The following GPR83 variants were observed in gnomAD, a reference collection of about 807,000 sequenced individuals.
GPR83 encodes G-protein coupled receptor 72.
GPR83 carries 23 observed loss-of-function variants against 28.0 expected under a neutral mutation model. That is an observed-to-expected ratio of 0.82 (90% confidence interval 0.59 to 1.16). The LOEUF is 1.16. Ranked by LOEUF, GPR83 falls within the 50% of genes most tolerant of loss-of-function variation. The pLI is 0.00. For synonymous variants in GPR83, 234 were observed against 215.4 expected, an observed-to-expected ratio of 1.09 and a Z score of -0.76; for missense variants, 610 against 536.6, an observed-to-expected ratio of 1.14 and a Z score of -1.35.
In GPR83 at chr11:94,378,004, T is replaced by G. The variant is rs12417810; in HGVS notation, c.*2145A>C. 16,145 of 152,230 alleles carry G rather than the reference T, an allele frequency of 0.11. 949 individuals are homozygous for G. The highest frequency in any genetic ancestry group is 0.16 in the Middle Eastern group (47 of 294). 9.4% of individuals were successfully genotyped at this position (152,230 alleles called of 1,614,324 possible). ...CTCATTCTGGTTCACAGAATTTCTA[T>G]GGCAGCTTTCAGATGAAACCATTAG... On this transcript the variant is annotated 3_prime_UTR_variant, in exon 4 of 4. Coordinates refer to ENST00000243673, the MANE Select transcript of GPR83 (RefSeq NM_016540.4).
At chr11:94,384,459 G>A (rs370838578) in intron 3 of GPR83, among the ~76,000 whole-genome samples, 5 of 152,198 alleles carry the variant, frequency 3.3e-5, no homozygotes, top group East Asian at 1.9e-4. Flanking sequence ...AGAGGTACCG[G>A]GTTCATCTCA....
chr11:94,400,806 G>A, intron 1 of GPR83, 55 bp downstream of exon 1: 3 of 1,559,784 alleles, frequency 1.9e-6, no homozygotes, highest in African/African-American at 2.7e-5. Context: ...AGAGAACTGA[G>A]AGAGGAAAGG....
At chr11:94,397,110 A>C (rs1034041967) in intron 1 of GPR83, among the ~76,000 whole-genome samples, 1 of 152,140 alleles carries the variant, frequency 6.6e-6, no homozygotes, top group African/African-American at 2.4e-5. Context: ...GTGCTGGCAA[A>C]TCTTGGCTAA....
chr11:94,387,541 T>C (rs1052206974), intron 3 of GPR83, among the ~76,000 whole-genome samples: 16 of 152,164 alleles, frequency 1.1e-4, no homozygotes, highest in African/African-American at 1.7e-4. Flanking sequence ...CAGAGAATAC[T>C]ATAAACACCT....
intron 3 of GPR83, among the ~76,000 whole-genome samples, chr11:94,388,763 G>C (rs964922073): frequency 5.3e-5 from 8 of 152,194 alleles, no homozygotes; most frequent in Non-Finnish European, 8.8e-5. Flanking sequence ...GTAATTTATA[G>C]ATTCAATGCC....
At chr11:94,393,168 G>T (rs1264949860) in intron 3 of GPR83, among the ~76,000 whole-genome samples, 1 of 152,178 alleles carries the variant, frequency 6.6e-6, no homozygotes, top group African/African-American at 2.4e-5. Context: ...TTTCAACAAG[G>T]CCTTGGTGAC....
At chr11:94,384,405 C>T (rs1944726304) in intron 3 of GPR83, among the ~76,000 whole-genome samples, 2 of 152,140 alleles carry the variant, frequency 1.3e-5, no homozygotes, top group Non-Finnish European at 2.9e-5. Context: ...CTACAGCTCC[C>T]AGTGTGAGCG....
intron 3 of GPR83, among the ~76,000 whole-genome samples, chr11:94,386,262 C>G (rs908805947): frequency 6.6e-6 from 1 of 152,110 alleles, no homozygotes; most frequent in Non-Finnish European, 1.5e-5. Context: ...TTGTAAAGAC[C>G]ATTGAGGCTA....
intron 3 of GPR83, among the ~76,000 whole-genome samples, chr11:94,391,231 C>A (rs1944813744): frequency 6.6e-6 from 1 of 151,796 alleles, no homozygotes; most frequent in African/African-American, 2.4e-5. Context: ...GGGAAAGAGT[C>A]CCTATTCAAT....
chr11:94,393,880 T>C (rs558415138), intron 2 of GPR83, among the ~76,000 whole-genome samples: 30 of 152,116 alleles, frequency 2.0e-4, no homozygotes, highest in Non-Finnish European at 3.1e-4. Flanking sequence ...GCAGGCCCTA[T>C]TGATAAAGTC....
chr11:94,380,218 C>A lies in GPR83; in HGVS notation c.1203G>T (p.Leu401=), dbSNP rs1944670994. Residue 401 remains leucine, a synonymous_variant, in exon 4 of 4, where the codon CTG becomes CTT. Coordinates refer to ENST00000243673, the MANE Select transcript of GPR83 (RefSeq NM_016540.4). ...GQRAPLANNL[L]PTSQLQSGKT... ...TCCCAGACTGGAGTTGGGAGGTGGGCAGGAGGTTATTGGCAAGGGGAGCCC... is the reference window on the plus strand; with the variant it reads ...TCCCAGACTGGAGTTGGGAGGTGGGAAGGAGGTTATTGGCAAGGGGAGCCC... 1.3e-6 allele frequency: 2 copies of A among 1,523,118 alleles called. No homozygotes were observed. Among genetic ancestry groups the A allele is most frequent in the African/African-American group, 1.4e-5 (1 of 71,798 alleles). 94.4% of individuals were successfully genotyped at this position (1,523,118 alleles called of 1,614,324 possible).
rs1403235950 is a variant in GPR83, at chr11:94,398,945, C to CT, written c.387+1915dup. Among the ~76,000 whole-genome samples the CT allele has an allele frequency of 3.9e-5, 6 of 152,164 alleles. No homozygotes were observed. In the East Asian group the frequency reaches 9.6e-4, roughly 24 times the overall value. On this transcript the variant is annotated intron_variant, in intron 1 of 3. Transcript: ENST00000243673. ...CTCATACTGGAGGGGGTGCTGGGCT[C>CT]TGAGGACCTTGGCATCCTGTCTCTT...
At position 94,379,300 on chromosome 11, in the gene GPR83, G is replaced by C. The variant is rs949217547; in HGVS notation, c.*849C>G. On this transcript the variant is annotated 3_prime_UTR_variant, in exon 4 of 4. Coordinates refer to ENST00000243673, the MANE Select transcript of GPR83 (RefSeq NM_016540.4). ...GCAGGAGAACGGCATGAACCTGGGA[G>C]GCAGAGCTTGCAGTGAGCCGAGATT... 1.3e-5 allele frequency: 2 copies of C among 150,954 alleles called. No individual in the cohort carries two copies. The highest frequency in any genetic ancestry group is 4.9e-5 in the African/African-American group (2 of 40,912). 9.4% of individuals were successfully genotyped at this position (150,954 alleles called of 1,614,324 possible).
At position 94,401,047 on chromosome 11, in the gene GPR83, G is replaced by T. The variant is rs762015019; in HGVS notation, c.201C>A (p.Asn67Lys). 3.1e-6 allele frequency: 5 copies of T among 1,614,204 alleles called. No homozygotes were observed. Among genetic ancestry groups the T allele is most frequent in the Non-Finnish European group, 3.4e-6 (4 of 1,179,988 alleles). ...CAATGAGCAGGGCTTTCACCGTGGG[G>T]TTCTGGGACTCAGCGCCGTAGCGCC... The part of the protein sequence containing the change: ...GRRRYGAESQ[N>K]PTVKALLIVA... The change falls in exon 1 of 4, where the codon AAC becomes AAA. Residue 67 changes from asparagine (N) to lysine (K), a missense_variant. By Grantham distance (94) the Asn-to-Lys change is moderately conservative. Coordinates refer to ENST00000243673, the MANE Select transcript of GPR83 (RefSeq NM_016540.4).
rs1342365735 is a variant in GPR83 at position 94,379,078 on chromosome 11, A to G, written c.*1071T>C. ...TTACAATCTAAATGAAAAAGTATAA[A>G]TGAAAAAAAAGGGCCGGGCGGGGTG... On this transcript the variant is annotated 3_prime_UTR_variant, in exon 4 of 4. Transcript: ENST00000243673. 1 of 152,062 alleles carries G rather than the reference A, an allele frequency of 6.6e-6. No homozygotes were observed. Among genetic ancestry groups the G allele is most frequent in the African/African-American group, 2.4e-5 (1 of 41,372 alleles). 9.4% of individuals were successfully genotyped at this position (152,062 alleles called of 1,614,324 possible).
chr11:94,390,202 G>C (rs1162632709), intron 3 of GPR83, among the ~76,000 whole-genome samples: 1 of 151,972 alleles, frequency 6.6e-6, no homozygotes, highest in Admixed American at 6.6e-5. Context: ...AACAGCATTA[G>C]GAGATATACC....
intron 1 of GPR83, among the ~76,000 whole-genome samples, chr11:94,398,702 G>C (rs531786367): frequency 4.2e-4 from 64 of 152,312 alleles, no homozygotes; most frequent in Middle Eastern, 3.4e-3. Context: ...AGATTAAGTG[G>C]ACAGGAAGGG....
At chr11:94,387,901 C>A (rs535679451) in intron 3 of GPR83, among the ~76,000 whole-genome samples, 1 of 152,162 alleles carries the variant, frequency 6.6e-6, no homozygotes, top group Non-Finnish European at 1.5e-5. Flanking sequence ...ATATCCCAGA[C>A]GAACATCAAT....
chr11:94,391,555 T>G (rs1343723775), intron 3 of GPR83, among the ~76,000 whole-genome samples: 2 of 152,096 alleles, frequency 1.3e-5, no homozygotes, highest in Admixed American at 1.3e-4. Flanking sequence ...TGGGACAAAA[T>G]TTTTGCAATC....
Sources: gnomAD v4.1 joint callset for allele counts (sites outside exome capture counted in the v4.1 genomes callset) on GRCh38, gnomAD v4.1.1 for gene constraint, MANE v1.5 for transcripts, NCBI Gene and HGNC (gene_info 2026-07-23, HGNC 2026-07-21) for gene names.